TCF7L1: variants seen among roughly 807,000 people sequenced by gnomAD.
TCF7L1 encodes the protein transcription factor 7 like 1.
TCF7L1 carries 18 observed loss-of-function variants against 63.7 expected under a neutral mutation model. The observed-to-expected ratio is 0.28, with a 90% CI of 0.20 to 0.42. The LOEUF (loss-of-function observed/expected upper bound fraction) is 0.42, where lower values mean the gene tolerates loss of function less well. Among genes scored for constraint, TCF7L1 ranks in the 10% least tolerant of loss-of-function variants. The pLI, the probability that TCF7L1 is intolerant of heterozygous loss-of-function variation, is 1.00. For missense variants in TCF7L1, 654 were observed against 779.3 expected (o/e 0.84, Z 1.91); for synonymous variants, 355 against 340.9 (o/e 1.04, Z -0.46).
chr2:85,290,105 A>G (rs796222106), intron 4 of TCF7L1, among the ~76,000 whole-genome samples: 3 of 151,832 alleles, frequency 2.0e-5, no homozygotes, highest in African/African-American at 7.2e-5. Flanking sequence ...CAGCCTCCCA[A>G]GTAGCTGGGA....
At chr2:85,211,567 A>G (rs1015091936) in intron 3 of TCF7L1, among the ~76,000 whole-genome samples, 2 of 152,186 alleles carry the variant, frequency 1.3e-5, no homozygotes, top group African/African-American at 2.4e-5. Flanking sequence ...ACGATGCATT[A>G]TAGGACCTGC....
At chr2:85,246,764 TA>T (rs966033863) in intron 3 of TCF7L1, among the ~76,000 whole-genome samples, 30 of 142,830 alleles carry the variant, frequency 2.1e-4, no homozygotes, top group African/African-American at 7.5e-4. Context: ...TCTCTCAAGA[TA>T]TTTTTTTCTT....
At chr2:85,221,453 A>C (rs572433723) in intron 3 of TCF7L1, among the ~76,000 whole-genome samples, 1 of 152,376 alleles carries the variant, frequency 6.6e-6, no homozygotes, top group South Asian at 2.1e-4. Flanking sequence ...AAAGATATTT[A>C]CTTGGCTCAC....
intron 3 of TCF7L1, among the ~76,000 whole-genome samples, chr2:85,225,248 T>C (rs1287983244): frequency 2.0e-5 from 3 of 152,172 alleles, no homozygotes; most frequent in African/African-American, 7.2e-5. Flanking sequence ...CTTAGGATTT[T>C]CTTGCCTATG....
At chr2:85,141,398 CA>C (rs1373094847) in intron 3 of TCF7L1, among the ~76,000 whole-genome samples, 9 of 152,108 alleles carry the variant, frequency 5.9e-5, no homozygotes, top group African/African-American at 1.9e-4. Flanking sequence ...GCCAAGGCGC[CA>C]AGCTGCAGAC....
At chr2:85,256,425 ATG>A (rs1464400306) in intron 3 of TCF7L1, among the ~76,000 whole-genome samples, 1 of 152,166 alleles carries the variant, frequency 6.6e-6, no homozygotes, top group Non-Finnish European at 1.5e-5. Context: ...GCAGAAGAGA[ATG>A]TTCAAGGAGA....
chr2:85,302,576 C>CCCCAA lies in TCF7L1; in HGVS notation c.620_621insCAACC (p.Pro208AsnfsTer71). 1 of 1,600,250 alleles carries CCCCAA rather than the reference C, an allele frequency of 6.2e-7. No individual in the cohort carries two copies. Among genetic ancestry groups the CCCCAA allele is most frequent in the Non-Finnish European group, 8.6e-7 (1 of 1,168,654 alleles). ...GCAATGACCACTTCTCCCCCGGCTCCCCTCCCACCCACCTCTCCCCAGAGA... is the reference window on the plus strand; with the variant it reads ...GCAATGACCACTTCTCCCCCGGCTCCCCCAACCTCCCACCCACCTCTCCCCAGAGA... On this transcript the variant is annotated frameshift_variant, in exon 5 of 12. Transcript: ENST00000282111. LOFTEE classifies it high-confidence loss of function.
At chr2:85,146,497 CTT>C (rs554058692) in intron 3 of TCF7L1, among the ~76,000 whole-genome samples, 1,589 of 103,390 alleles carry the variant, frequency 0.015, 7 homozygotes, top group East Asian at 0.063. Context: ...TTCTTTCTTT[CTT>C]TTTTTTTTTT....
chr2:85,162,684 G>T (rs769783543), intron 3 of TCF7L1, among the ~76,000 whole-genome samples: 2 of 152,076 alleles, frequency 1.3e-5, no homozygotes, highest in Admixed American at 6.6e-5. Context: ...AGCCTCTGCC[G>T]CAGGGACACT....
chr2:85,197,002 C>A (rs964456933), intron 3 of TCF7L1, among the ~76,000 whole-genome samples: 29 of 152,294 alleles, frequency 1.9e-4, no homozygotes, highest in Admixed American at 1.6e-3. Flanking sequence ...GGTTTCAGGG[C>A]CTTGCGTGCA....
chr2:85,133,931 G>A lies in TCF7L1; in HGVS notation c.247G>A (p.Glu83Lys), dbSNP rs1484687291. The change falls in exon 1 of 12, where the codon GAG becomes AAG. Residue 83 changes from glutamate to lysine, a missense_variant and splice_region_variant. This residue lies in a region of TCF7L1 where 404 missense variants were observed against 454.8 expected (regional missense o/e 0.89). Transcript: ENST00000282111. The surrounding 1 kb of genome is among the most constrained non-coding windows in gnomAD (Gnocchi z 4.4). ...GAACCAGAGCAGCAGCTCGGACTCG[G>A]AGGTAAGGAAGCACCGCGGCCACCC... Reference protein sequence around the residue: ...SENQSSSSDSEAERRPQPVRD... With the variant: ...SENQSSSSDSKAERRPQPVRD... 6.5e-7 allele frequency: 1 copy of A among 1,538,854 alleles called. No homozygotes were observed. The highest frequency in any genetic ancestry group is 1.4e-5 in the African/African-American group (1 of 72,522).
chr2:85,188,913 A>G (rs1322594214), intron 3 of TCF7L1, among the ~76,000 whole-genome samples: 2 of 152,210 alleles, frequency 1.3e-5, no homozygotes, highest in Non-Finnish European at 2.9e-5. Context: ...TATTATGACA[A>G]GCTAATTTAA....
At chr2:85,158,452 A>G (rs966659561) in intron 3 of TCF7L1, among the ~76,000 whole-genome samples, 18 of 152,228 alleles carry the variant, frequency 1.2e-4, no homozygotes, top group African/African-American at 4.3e-4. Flanking sequence ...TGCTTATTCA[A>G]TGTATTTTGT....
At chr2:85,228,894 G>A (rs1289070690) in intron 3 of TCF7L1, among the ~76,000 whole-genome samples, 8 of 151,218 alleles carry the variant, frequency 5.3e-5, no homozygotes, top group African/African-American at 4.9e-5. Context: ...GGTGGTGGGC[G>A]CCTGCAGTCC....
intron 3 of TCF7L1, among the ~76,000 whole-genome samples, chr2:85,226,727 C>T (rs1235966812): frequency 1.3e-5 from 2 of 152,114 alleles, no homozygotes; most frequent in Non-Finnish European, 2.9e-5. Flanking sequence ...AGAGCCATCT[C>T]TCAGAACACA....
Position 85,255,043 on chromosome 2 carries a change from T to C in TCF7L1, c.442-28452T>C, listed in dbSNP as rs192974615. 1.2e-4 allele frequency among the ~76,000 whole-genome samples: 19 copies of C among 152,278 alleles called. No homozygotes were observed. The East Asian group carries it at 3.3e-3, about 26-fold the overall frequency. On this transcript the variant is annotated intron_variant, in intron 3 of 11. Coordinates refer to ENST00000282111, the MANE Select transcript of TCF7L1 (RefSeq NM_031283.3). ...AAACTGTAGCCAGACAACTACTTGG[T>C]GAAGCAGCATACAGAGAGATCGCCC... is the stretch of plus-strand genomic sequence containing the variant.
intron 3 of TCF7L1, among the ~76,000 whole-genome samples, chr2:85,176,680 G>A (rs953586688): frequency 6.6e-5 from 10 of 152,030 alleles, no homozygotes; most frequent in East Asian, 1.9e-4. Flanking sequence ...ATCTTAGTCC[G>A]TTCTGGCTGC....
chr2:85,151,899 C>T (rs1298538394), intron 3 of TCF7L1, among the ~76,000 whole-genome samples: 1 of 152,200 alleles, frequency 6.6e-6, no homozygotes, highest in Non-Finnish European at 1.5e-5. Flanking sequence ...ATGGGGAAAG[C>T]AATTTAAATG....
intron 3 of TCF7L1, among the ~76,000 whole-genome samples, chr2:85,273,046 C>G (rs1292241391): frequency 2.0e-5 from 3 of 152,078 alleles, no homozygotes; most frequent in African/African-American, 7.2e-5. Flanking sequence ...CTGAGAAGTA[C>G]CTGGGAGGCG....
Sources: gnomAD v4.1 joint callset for allele counts (sites outside exome capture counted in the v4.1 genomes callset) on GRCh38, gnomAD v4.1.1 for gene constraint, gnomAD v4.1.1 regional missense constraint, Gnocchi (gnomAD v3.1) non-coding constraint, MANE v1.5 for transcripts, NCBI Gene and HGNC (gene_info 2026-07-23, HGNC 2026-07-21) for gene names.